TMEM255B: variants seen among roughly 807,000 people sequenced by gnomAD.
TMEM255B encodes the protein family with sequence similarity 70, member B.
Under a neutral mutation model 34.5 loss-of-function variants are expected in TMEM255B, and 35 were observed. The observed-to-expected ratio is 1.01, with a 90% CI of 0.77 to 1.34. TMEM255B has a LOEUF of 1.34. Among genes scored for constraint, TMEM255B ranks in the 40% most tolerant of loss-of-function variants. The pLI is 0.00. For synonymous variants in TMEM255B, 206 were observed against 201.2 expected, an observed-to-expected ratio of 1.02 and a Z score of -0.20; for missense variants, 432 against 433.2, an observed-to-expected ratio of 1.00 and a Z score of 0.02.
chr13:113,764,910 C>G (rs2050364049), intron 1 of TMEM255B, among the ~76,000 whole-genome samples: 1 of 152,186 alleles, frequency 6.6e-6, no homozygotes. Context: ...CAGGGAGAGG[C>G]TGAAACCACT....
chr13:113,801,959 C>CGCA, intron 7 of TMEM255B, 147 bp downstream of exon 7: 2 of 960,132 alleles, frequency 2.1e-6, no homozygotes, highest in Non-Finnish European at 3.0e-6. Context: ...GTCAGGGTGA[C>CGCA]AGCTGGCGTG....
intron 7 of TMEM255B, among the ~76,000 whole-genome samples, chr13:113,804,564 G>T (rs9329348): frequency 0.076 from 11,354 of 150,192 alleles, 466 homozygotes; most frequent in Admixed American, 0.13. Context: ...GTAAAGCTAC[G>T]CCGGGCCGGG....
intron 3 of TMEM255B, among the ~76,000 whole-genome samples, chr13:113,775,274 G>T (rs367799011): frequency 6.6e-6 from 1 of 152,168 alleles, no homozygotes; most frequent in Non-Finnish European, 1.5e-5. Context: ...GACTGAGCCC[G>T]TTTTCTCCAT....
rs765190209 is a variant in TMEM255B, at chr13:113,800,940, TAC to T, written c.509+31_509+32del. 26 of 1,185,540 alleles carry T rather than the reference TAC, an allele frequency of 2.2e-5. 1 individual carries two copies. Among genetic ancestry groups the T allele is most frequent in the Middle Eastern group, 3.2e-4 (1 of 3,164 alleles). 73.4% of individuals were successfully genotyped at this position (1,185,540 alleles called of 1,614,324 possible). A position where few individuals can be genotyped will look rare whatever the true frequency, so the allele number is the denominator to read the frequency against. Reference sequence around the variant, plus strand: ...GAGGGGCACCGGGGACCCCCATATCTACACCTGCGGGAGGTGAGGGGCGCTGG... The same window carrying T: ...GAGGGGCACCGGGGACCCCCATATCTACCTGCGGGAGGTGAGGGGCGCTGG... On this transcript the variant is annotated intron_variant, in intron 6 of 8. Coordinates refer to ENST00000375353, the MANE Select transcript of TMEM255B (RefSeq NM_182614.4).
intron 4 of TMEM255B, among the ~76,000 whole-genome samples, chr13:113,796,858 C>T (rs1187621282): frequency 2.0e-5 from 3 of 152,256 alleles, no homozygotes; most frequent in Non-Finnish European, 4.4e-5. Flanking sequence ...TCTGCCCCAA[C>T]GGTTTCATTA....
At chr13:113,786,402 CCACTGTCAT>C (rs1051888483) in intron 3 of TMEM255B, among the ~76,000 whole-genome samples, 7 of 151,616 alleles carry the variant, frequency 4.6e-5, no homozygotes, top group Non-Finnish European at 7.4e-5. Flanking sequence ...GTCACCATCC[CCACTGTCAT>C]CACTGTCATC....
At chr13:113,810,768 C>A (rs2051283101) in intron 8 of TMEM255B, among the ~76,000 whole-genome samples, 1 of 152,214 alleles carries the variant, frequency 6.6e-6, no homozygotes, top group African/African-American at 2.4e-5. Flanking sequence ...GGGTGTCAAT[C>A]ACACCTGAAG....
chr13:113,778,459 G>A (rs1447859292), intron 3 of TMEM255B, among the ~76,000 whole-genome samples: 1 of 147,948 alleles, frequency 6.8e-6, no homozygotes, highest in Non-Finnish European at 1.5e-5. Context: ...ATCTTCTCCC[G>A]GGTGAGTCCC....
At chr13:113,765,459 C>G (rs372964378) in intron 1 of TMEM255B, among the ~76,000 whole-genome samples, 2 of 152,248 alleles carry the variant, frequency 1.3e-5, no homozygotes, top group African/African-American at 4.8e-5. Flanking sequence ...AGTGTGCGGT[C>G]TGCTTTCCCT....
intron 1 of TMEM255B, among the ~76,000 whole-genome samples, chr13:113,761,879 C>T (rs1452847647): frequency 6.6e-6 from 1 of 152,188 alleles, no homozygotes; most frequent in East Asian, 1.9e-4. Context: ...AAACAAGAGA[C>T]AGAGCTCTTG....
intron 1 of TMEM255B, among the ~76,000 whole-genome samples, chr13:113,763,967 G>A (rs888201104): frequency 1.3e-5 from 2 of 152,248 alleles, no homozygotes; most frequent in Admixed American, 6.5e-5. Context: ...GCCTTGGGCC[G>A]TGTGTTCCGG....
In TMEM255B at chr13:113,811,945, T is replaced by A. The variant is rs34217684; in HGVS notation, c.*42T>A. ...AAGATAACTTGTTTGTTTTTTTTTT[T>A]AAAAAAAAGGCAGCCTCTAGAAATC... On this transcript the variant is annotated 3_prime_UTR_variant, in exon 9 of 9. Coordinates refer to ENST00000375353, the MANE Select transcript of TMEM255B (RefSeq NM_182614.4). 0.45 allele frequency: 663,625 copies of A among 1,490,732 alleles called. 141,799 individuals are homozygous for A. Among genetic ancestry groups the A allele is most frequent in the East Asian group, 0.69 (28,629 of 41,210 alleles). 92.3% of individuals were successfully genotyped at this position (1,490,732 alleles called of 1,614,324 possible).
Position 113,800,820 on chromosome 13 carries a change from GC to G in TMEM255B, c.424-3del, listed in dbSNP as rs763522174. On this transcript the variant is annotated splice_polypyrimidine_tract_variant and splice_region_variant and intron_variant, in intron 5 of 8. Coordinates refer to ENST00000375353, the MANE Select transcript of TMEM255B (RefSeq NM_182614.4). ...GCATGTGACCTGACAAGGCCTCTCT[GC>G]CCCAGGTCACCTGTCACTCCCTGGA... 2 of 1,602,502 alleles carry G rather than the reference GC, an allele frequency of 1.2e-6. No individual in the cohort carries two copies. The highest frequency in any genetic ancestry group is 2.2e-5 in the South Asian group (2 of 88,938).
At chr13:113,767,599 TG>T (rs2050411113) in intron 2 of TMEM255B, among the ~76,000 whole-genome samples, 1 of 152,242 alleles carries the variant, frequency 6.6e-6, no homozygotes. Flanking sequence ...ATCTACCTTC[TG>T]GGCAATGAAT....
At chr13:113,784,241 G>A (rs1317752778) in intron 3 of TMEM255B, among the ~76,000 whole-genome samples, 1 of 152,074 alleles carries the variant, frequency 6.6e-6, no homozygotes, top group East Asian at 1.9e-4. Flanking sequence ...TTTTGTTCTA[G>A]GTGTCTCCAG....
Position 113,769,190 on chromosome 13 carries a change from A to T in TMEM255B, c.252+30A>T. 6.2e-7 allele frequency: 1 copy of T among 1,612,024 alleles called. No homozygotes were observed. Among genetic ancestry groups the T allele is most frequent in the South Asian group, 1.1e-5 (1 of 91,020 alleles). On this transcript the variant is annotated intron_variant, in intron 3 of 8. Transcript: ENST00000375353. This position sits in a 1 kb window ranked among gnomAD's most constrained non-coding sequence, Gnocchi z 4.2. ...GAAAGTACATGGGGTGGTGGGGAGC[A>T]TGAGTCCCTCATCAGGGGATGGTAC...
chr13:113,778,225 T>C (rs947279578), intron 3 of TMEM255B, among the ~76,000 whole-genome samples: 1 of 152,022 alleles, frequency 6.6e-6, no homozygotes, highest in African/African-American at 2.4e-5. Context: ...TGGACAGGGG[T>C]GGAGATGTGA....
intron 3 of TMEM255B, among the ~76,000 whole-genome samples, chr13:113,789,185 A>C (rs1357936844): frequency 6.8e-6 from 1 of 146,954 alleles, no homozygotes; most frequent in Non-Finnish European, 1.5e-5. Flanking sequence ...TTGTAAATCT[A>C]CTTTCTTCTG....
intron 3 of TMEM255B, among the ~76,000 whole-genome samples, chr13:113,779,067 T>G (rs1416379456): frequency 6.6e-6 from 1 of 152,132 alleles, no homozygotes; most frequent in African/African-American, 2.4e-5. Context: ...AGAGTGTTTT[T>G]GGGTGGAGGG....
Sources: gnomAD v4.1 joint callset for allele counts (sites outside exome capture counted in the v4.1 genomes callset) on GRCh38, gnomAD v4.1.1 for gene constraint, Gnocchi (gnomAD v3.1) non-coding constraint, MANE v1.5 for transcripts, NCBI Gene and HGNC (gene_info 2026-07-23, HGNC 2026-07-21) for gene names.